Variants in GOLGB1 observed in about 807,000 individuals in gnomAD.
GOLGB1 encodes the protein golgin subfamily B member 1.
In GOLGB1, 174 loss-of-function variants were observed where a neutral mutation model predicts 336.9. The ratio of observed to expected loss-of-function variants is 0.52; its 90% CI spans 0.46 to 0.59. GOLGB1 has a LOEUF of 0.59. GOLGB1 is among the 20% of genes least tolerant of loss of function. The probability of loss-of-function intolerance (pLI) is 0.00; values close to 1 mark genes in which losing one functional copy is unlikely to be tolerated. For missense variants in GOLGB1, 3,331 were observed against 3,645.3 expected (o/e 0.91, Z 2.22); for synonymous variants, 1,208 against 1,289.2 (o/e 0.94, Z 1.35).
intron 15 of GOLGB1, among the ~76,000 whole-genome samples, chr3:121,681,078 A>C (rs1264108022): frequency 1.3e-5 from 2 of 152,228 alleles, no homozygotes; most frequent in African/African-American, 4.8e-5. Context: ...ATTAAAAACA[A>C]TATGCATGTC....
At position 121,677,425 on chromosome 3, in the gene GOLGB1, G is replaced by A. The variant is rs1389659237; in HGVS notation, c.8899C>T (p.His2967Tyr). Residue 2967 changes from histidine to tyrosine, a missense_variant, in exon 16 of 22, where the codon CAT (histidine) becomes TAT (tyrosine). Coordinates refer to ENST00000614479, the MANE Select transcript of GOLGB1 (RefSeq NM_001366282.2). The stretch of plus-strand genomic sequence containing the variant: ...TACTGTTCCTTCATTCTCCTCTCAT[G>A]TATTTCCCAGGAACTCTTCTCCATC... ...LRMEKSSWEIHERRMKEQYLM... is the reference protein window; with the variant it reads ...LRMEKSSWEIYERRMKEQYLM... 2 of 1,608,760 alleles carry A rather than the reference G, an allele frequency of 1.2e-6. No homozygotes were observed. Among genetic ancestry groups the A allele is most frequent in the East Asian group, 2.2e-5 (1 of 44,844 alleles).
chr3:121,702,304 C>G (rs765579061), intron 11 of GOLGB1, among the ~76,000 whole-genome samples, 177 bp downstream of exon 11: 2 of 152,166 alleles, frequency 1.3e-5, no homozygotes, highest in East Asian at 3.8e-4. Flanking sequence ...TATGTAAACA[C>G]TGATACTATG....
intron 20 of GOLGB1, among the ~76,000 whole-genome samples, chr3:121,665,830 T>G (rs1938534321): frequency 6.6e-6 from 1 of 152,234 alleles, no homozygotes; most frequent in African/African-American, 2.4e-5. Flanking sequence ...TCTATTAGTT[T>G]AATATTCTTG....
At chr3:121,665,998 A>G (rs1938561469) in intron 20 of GOLGB1, among the ~76,000 whole-genome samples, 1 of 152,178 alleles carries the variant, frequency 6.6e-6, no homozygotes, top group South Asian at 2.1e-4. Flanking sequence ...TTCTGTGTCT[A>G]TTCCTCCATG....
At chr3:121,711,775 A>T (rs1044394759) in intron 10 of GOLGB1, among the ~76,000 whole-genome samples, 3 of 152,238 alleles carry the variant, frequency 2.0e-5, no homozygotes, top group African/African-American at 7.2e-5. Flanking sequence ...TATAATGTGC[A>T]TAATTTCTCC....
intron 1 of GOLGB1, among the ~76,000 whole-genome samples, chr3:121,739,888 G>A (rs149491739): frequency 7.0e-4 from 107 of 152,056 alleles, no homozygotes; most frequent in African/African-American, 2.3e-3. Context: ...AAAAAGCAAC[G>A]AACTACTGAT....
rs398038351 is a variant in GOLGB1, at chr3:121,670,755, TGGGG to T, written c.9178-1404_9178-1401del. 2.4e-4 allele frequency among the ~76,000 whole-genome samples: 19 copies of T among 79,150 alleles called. 1 individual carries two copies. The highest frequency in any genetic ancestry group is 7.9e-4 in the African/African-American group (17 of 21,578). 51.9% of individuals were successfully genotyped at this position (79,150 alleles called of 152,430 possible). ...CTAAGAAAATCATAGGGTTTTCTTT[TGGGG>T]GGGGGGGTGTGGGAGGAGGTGGGAA... On this transcript the variant is annotated intron_variant, in intron 17 of 21. Coordinates refer to ENST00000614479, the MANE Select transcript of GOLGB1 (RefSeq NM_001366282.2).
At chr3:121,748,201 G>A (rs1482774977) in intron 1 of GOLGB1, among the ~76,000 whole-genome samples, 3 of 152,156 alleles carry the variant, frequency 2.0e-5, no homozygotes, top group Non-Finnish European at 4.4e-5. Flanking sequence ...GTATCTTTAC[G>A]TGATTGTCAA....
intron 1 of GOLGB1, among the ~76,000 whole-genome samples, chr3:121,731,362 C>G (rs989314732): frequency 4.6e-5 from 7 of 150,646 alleles, no homozygotes; most frequent in African/African-American, 1.7e-4. Context: ...TTTCTTTTTT[C>G]TTTTTCTTTT....
chr3:121,748,341 AAC>A (rs1359297133), intron 1 of GOLGB1, among the ~76,000 whole-genome samples: 2 of 152,242 alleles, frequency 1.3e-5, no homozygotes, highest in Non-Finnish European at 2.9e-5. Flanking sequence ...TAAATAATTA[AAC>A]ACACAACATT....
At chr3:121,679,230 A>T (rs768668976) in intron 15 of GOLGB1, among the ~76,000 whole-genome samples, 2 of 152,238 alleles carry the variant, frequency 1.3e-5, no homozygotes, top group Non-Finnish European at 2.9e-5. Context: ...AATGCTCATT[A>T]GATAATGCAA....
chr3:121,691,687 A>G lies in GOLGB1; in HGVS notation c.7677T>C (p.Leu2559=), dbSNP rs1560212991. The G allele has an allele frequency of 6.2e-7, 1 of 1,611,754 alleles. No homozygotes were observed. Among genetic ancestry groups the G allele is most frequent in the African/African-American group, 1.3e-5 (1 of 74,658 alleles). ...TATTTTGCTGAAGTTGAACTTCAAG[A>G]AGCTGCTTTTGTTGGCTGTCCTTTA... ...ITIKDSQQKQ[L]LEVQLQQNKE... is the part of the protein sequence containing the mutation. The change falls in exon 14 of 22, where the codon CTT becomes CTC. Residue 2559 remains leucine, a synonymous_variant. Transcript: ENST00000614479.
At chr3:121,748,936 C>T (rs973411625) in intron 1 of GOLGB1, 2 of 984,790 alleles carry the variant, frequency 2.0e-6, no homozygotes, top group Admixed American at 6.1e-5. Flanking sequence ...TAAACATACT[C>T]CACACCATCA....
At position 121,693,902 on chromosome 3, in the gene GOLGB1, G is replaced by C. The variant is rs144414434; in HGVS notation, c.6621C>G (p.Asp2207Glu). ...ATTTCTTAGCTTCATCTATCACCCTGTCACGATCATCCTGGAGGGAAGACA... is the reference window on the plus strand; with the variant it reads ...ATTTCTTAGCTTCATCTATCACCCTCTCACGATCATCCTGGAGGGAAGACA... The part of the protein sequence containing the change: ...KSMSSLQDDR[D>E]RVIDEAKKWE... The change falls in exon 13 of 22, where the codon GAC becomes GAG. Residue 2207 changes from aspartate to glutamate, a missense_variant. Physicochemically the swap from Asp to Glu is conservative, Grantham distance 45. Coordinates refer to ENST00000614479, the MANE Select transcript of GOLGB1 (RefSeq NM_001366282.2). The C allele has an allele frequency of 4.3e-5, 69 of 1,613,784 alleles. No homozygotes were observed. The highest frequency in any genetic ancestry group is 2.8e-4 in the Admixed American group (17 of 60,002).
intron 17 of GOLGB1, 74 bp downstream of exon 17, chr3:121,676,819 T>C (rs1940452458): frequency 1.5e-6 from 2 of 1,290,966 alleles, no homozygotes; most frequent in African/African-American, 2.9e-5. Flanking sequence ...CTATGCTGAA[T>C]TGGCTTCTAC....
At position 121,676,990 on chromosome 3, in the gene GOLGB1, T is replaced by C; in HGVS notation, c.9080A>G (p.Asn3027Ser). Residue 3027 changes from asparagine to serine, a missense_variant, in exon 17 of 22, where the codon AAT (asparagine) becomes AGT (serine). Transcript: ENST00000614479. ...GAGAAGTTCTGTCTCATAAACCAGATTTTGTGACCCATCTGGGGAAGCTGA... is the reference window on the plus strand; with the variant it reads ...GAGAAGTTCTGTCTCATAAACCAGACTTTGTGACCCATCTGGGGAAGCTGA... ...ETSASPDGSQ[N>S]LVYETELLRT... 1 of 1,613,842 alleles carries C rather than the reference T, an allele frequency of 6.2e-7. No homozygotes were observed. The highest frequency in any genetic ancestry group is 8.5e-7 in the Non-Finnish European group (1 of 1,179,718).
At chr3:121,683,622 C>T (rs1214173665) in intron 14 of GOLGB1, among the ~76,000 whole-genome samples, 1 of 152,210 alleles carries the variant, frequency 6.6e-6, no homozygotes, top group East Asian at 1.9e-4. Context: ...TAACCTTCAC[C>T]TGAAGAATGG....
intron 17 of GOLGB1, among the ~76,000 whole-genome samples, chr3:121,674,648 A>G (rs1291858169): frequency 1.3e-5 from 2 of 151,868 alleles, no homozygotes; most frequent in African/African-American, 4.8e-5. Flanking sequence ...ATCTACTACA[A>G]TCTCATTCTG....
rs781157604 is a variant in GOLGB1, at chr3:121,717,156, A to G, written c.886-17T>C. 2 of 1,573,930 alleles carry G rather than the reference A, an allele frequency of 1.3e-6. No homozygotes were observed. Among genetic ancestry groups the G allele is most frequent in the Non-Finnish European group, 1.7e-6 (2 of 1,159,736 alleles). On this transcript the variant is annotated splice_polypyrimidine_tract_variant and intron_variant, in intron 8 of 21. Transcript: ENST00000614479. ...AGAGAGAATCTAAGAAAAAAGACAA[A>G]GTCTCATGAGCCATAAATACATTAT...
Sources: gnomAD v4.1 joint callset for allele counts (sites outside exome capture counted in the v4.1 genomes callset) on GRCh38, gnomAD v4.1.1 for gene constraint, MANE v1.5 for transcripts, NCBI Gene and HGNC (gene_info 2026-07-23, HGNC 2026-07-21) for gene names.